LAMA3: variants seen among roughly 807,000 people sequenced by gnomAD.
The protein encoded by LAMA3 is laminin subunit alpha-3.
Under a neutral mutation model 402.0 loss-of-function variants are expected in LAMA3, and 281 were observed. That is an observed-to-expected ratio of 0.70 (90% CI 0.63 to 0.77). The LOEUF is 0.77. LAMA3 is among the 30% of genes least tolerant of loss of function. The probability of loss-of-function intolerance (pLI) is 0.00; values close to 1 mark genes in which losing one functional copy is unlikely to be tolerated. For synonymous variants in LAMA3, 1,431 were observed against 1,558.4 expected, an observed-to-expected ratio of 0.92 and a Z score of 1.93; for missense variants, 3,840 against 4,215.5, an observed-to-expected ratio of 0.91 and a Z score of 2.47.
chr18:23,801,743 G>A (rs754230170), intron 12 of LAMA3, among the ~76,000 whole-genome samples: 5 of 152,076 alleles, frequency 3.3e-5, no homozygotes, highest in East Asian at 1.9e-4. Flanking sequence ...CCATTCTAAC[G>A]GAGATGATAT....
chr18:23,883,024 C>G (rs1018211360), intron 40 of LAMA3, among the ~76,000 whole-genome samples: 2 of 152,094 alleles, frequency 1.3e-5, no homozygotes, highest in African/African-American at 2.4e-5. Flanking sequence ...ATTTTGGCCA[C>G]GAGGCTCCTA....
chr18:23,842,897 C>T (rs1322920278), intron 29 of LAMA3, 147 bp downstream of exon 29: 5 of 986,274 alleles, frequency 5.1e-6, no homozygotes, highest in South Asian at 4.2e-5. Flanking sequence ...CTGTCTTTTA[C>T]CCCCCAATAA....
At position 23,774,806 on chromosome 18, in the gene LAMA3, A is replaced by T. The variant is rs934990136; in HGVS notation, c.1274-986A>T. Among the ~76,000 whole-genome samples the T allele has an allele frequency of 3.9e-5, 6 of 152,162 alleles. No homozygotes were observed. In the South Asian group the frequency reaches 1.2e-3, roughly 32 times the overall value. ...ATTTACTTCTCTCTAGGGCATTCTT[A>T]GTTGTTAAAAAAAATGTGTTTTCAC... is the stretch of plus-strand genomic sequence containing the variant. On this transcript the variant is annotated intron_variant, in intron 9 of 74. Coordinates refer to ENST00000313654, the MANE Select transcript of LAMA3 (RefSeq NM_198129.4).
chr18:23,842,837 C>T (rs1202215988), intron 29 of LAMA3, 87 bp downstream of exon 29: 3 of 1,531,092 alleles, frequency 2.0e-6, no homozygotes. Flanking sequence ...GGAAATAATT[C>T]TTCCAAGGAA....
intron 32 of LAMA3, among the ~76,000 whole-genome samples, chr18:23,854,844 G>A (rs1348190576): frequency 6.6e-6 from 1 of 150,936 alleles, no homozygotes. Flanking sequence ...AATTAGCTGG[G>A]CATGGTGGTA....
chr18:23,690,694 T>C (rs989358536), intron 1 of LAMA3, among the ~76,000 whole-genome samples: 1 of 151,570 alleles, frequency 6.6e-6, no homozygotes, highest in African/African-American at 2.4e-5. Context: ...CACGGCAGCC[T>C]CGAACTCCTG....
chr18:23,839,922 C>T lies in LAMA3; in HGVS notation c.3329C>T (p.Ala1110Val), dbSNP rs758820338. 5 of 1,614,034 alleles carry T rather than the reference C, an allele frequency of 3.1e-6. No individual in the cohort carries two copies. In the African/African-American group the frequency reaches 6.7e-5, roughly 22 times the overall value. Residue 1110 changes from alanine to valine, a missense_variant, in exon 27 of 75, where the codon GCA becomes GTA. Around this residue, in one of 3 missense-constraint regions of LAMA3, gnomAD observed 2,109 missense variants for 2,376.0 expected, o/e 0.89. Coordinates refer to ENST00000313654, the MANE Select transcript of LAMA3 (RefSeq NM_198129.4). The surrounding 1 kb of genome is among the most constrained non-coding windows in gnomAD (Gnocchi z 4.5). ...GTTCTTCCTGGGGTCACCTTGAAGG[C>T]ACCGCAGGTAGTGTGCTGTTTCTAA... ...VDVLPGVTLK[A>V]PQNQVTLRGR... is the part of the protein sequence containing the mutation.
Position 23,792,985 on chromosome 18 carries a change from C to T in LAMA3, c.1603+8828C>T, listed in dbSNP as rs117240234. On this transcript the variant is annotated intron_variant, in intron 12 of 74. Coordinates refer to ENST00000313654, the MANE Select transcript of LAMA3 (RefSeq NM_198129.4). ...CAACTGCTATTGAGAAGATACAGTT[C>T]CCAGAGGAGGGGCAGGTCATGCTGT... 9.0e-3 allele frequency among the ~76,000 whole-genome samples: 1,375 copies of T among 152,188 alleles called. 8 individuals carry two copies. The highest frequency in any genetic ancestry group is 0.013 in the Non-Finnish European group (854 of 68,010).
At chr18:23,828,819 T>C (rs542918474) in intron 23 of LAMA3, among the ~76,000 whole-genome samples, 1 of 152,380 alleles carries the variant, frequency 6.6e-6, no homozygotes, top group Non-Finnish European at 1.5e-5. Flanking sequence ...GTTTAATTTA[T>C]ACTTTTAAAA....
At chr18:23,725,814 C>T (rs778854355) in intron 2 of LAMA3, among the ~76,000 whole-genome samples, 2 of 152,248 alleles carry the variant, frequency 1.3e-5, no homozygotes, top group Non-Finnish European at 2.9e-5. Flanking sequence ...GTGTCTCTCT[C>T]ATTTGAGAGC....
chr18:23,915,220 G>T, intron 58 of LAMA3, 69 bp from the exon 59 acceptor site: 1 of 1,527,842 alleles, frequency 6.5e-7, no homozygotes. Context: ...TGTTAAAAGT[G>T]ATTAATTGAT....
At position 23,781,214 on chromosome 18, in the gene LAMA3, G is replaced by A. The variant is rs186966318; in HGVS notation, c.1469-2809G>A. On this transcript the variant is annotated intron_variant, in intron 11 of 74. Coordinates refer to ENST00000313654, the MANE Select transcript of LAMA3 (RefSeq NM_198129.4). The stretch of plus-strand genomic sequence containing the variant: ...CAAGACTGTAATTCACGGTAAAAAC[G>A]TTCCCTTTCCCTGTGACATTCGTTC... 8.6e-4 allele frequency: 375 copies of A among 436,496 alleles called. 1 individual carries two copies. Among genetic ancestry groups the A allele is most frequent in the African/African-American group, 7.1e-3 (350 of 49,182 alleles). 27.0% of individuals were successfully genotyped at this position (436,496 alleles called of 1,614,324 possible).
At chr18:23,870,886 AGT>A (rs1431645935) in intron 37 of LAMA3, among the ~76,000 whole-genome samples, 2 of 152,232 alleles carry the variant, frequency 1.3e-5, no homozygotes, top group Non-Finnish European at 2.9e-5. Flanking sequence ...CAAGCTGGTA[AGT>A]TCTAGAGATC....
chr18:23,950,962 A>C (rs2082887797), intron 72 of LAMA3, among the ~76,000 whole-genome samples: 1 of 152,230 alleles, frequency 6.6e-6, no homozygotes, highest in Non-Finnish European at 1.5e-5. Flanking sequence ...AAACAAATCA[A>C]GACCCGATGA....
Position 23,802,499 on chromosome 18 carries a change from C to T in LAMA3, c.1604-7867C>T, listed in dbSNP as rs371314418. On this transcript the variant is annotated intron_variant, in intron 12 of 74. Coordinates refer to ENST00000313654, the MANE Select transcript of LAMA3 (RefSeq NM_198129.4). ...TCATCTCCTGTATTCTAGACATATT[C>T]TTCCTTACCTCCATTTTTGAAGAAC... is the stretch of plus-strand genomic sequence containing the variant. Among the ~76,000 whole-genome samples the T allele has an allele frequency of 3.7e-4, 57 of 152,346 alleles. 3 individuals are homozygous for T. The South Asian group carries it at 0.01, about 27-fold the overall frequency.
rs8099348 is a variant in LAMA3 at position 23,953,337 on chromosome 18, T to G, written c.9856+228T>G. Among the ~76,000 whole-genome samples, 610 of 113,848 alleles carry G rather than the reference T, an allele frequency of 5.4e-3. 5 individuals are homozygous for G. Among genetic ancestry groups the G allele is most frequent in the Middle Eastern group, 0.044 (9 of 204 alleles). The allele number at this position is 113,848 out of a possible 152,430, so 74.7% of individuals were successfully genotyped here. A position where few individuals can be genotyped will look rare whatever the true frequency, so the allele number is the denominator to read the frequency against. ...AGCCTGTAATTTTGTTTTTTTTTTTTGTTTTTTTTTTTGTTTTTTTTTGAG... is the reference window on the plus strand; with the variant it reads ...AGCCTGTAATTTTGTTTTTTTTTTTGGTTTTTTTTTTTGTTTTTTTTTGAG... On this transcript the variant is annotated intron_variant, in intron 74 of 74. Transcript: ENST00000313654.
chr18:23,828,425 G>T (rs926504904), intron 23 of LAMA3, among the ~76,000 whole-genome samples: 1 of 152,102 alleles, frequency 6.6e-6, no homozygotes, highest in Non-Finnish European at 1.5e-5. Flanking sequence ...AAACCTAAAT[G>T]ATCTTCCCTC....
Position 23,833,871 on chromosome 18 carries a change from A to G in LAMA3, c.2867A>G (p.Tyr956Cys), listed in dbSNP as rs754064214. 6.2e-7 allele frequency: 1 copy of G among 1,613,938 alleles called. No individual in the cohort carries two copies. The highest frequency in any genetic ancestry group is 1.1e-5 in the South Asian group (1 of 91,070). ...LRLRIPQVGH[Y>C]VVVVEYSTEA... is the part of the protein sequence containing the mutation. ...CTGCGCATCCCACAGGTTGGCCACT[A>G]CGTGGTTGTGGTCGAGTATTCCACG... is the stretch of plus-strand genomic sequence containing the variant. Residue 956 changes from tyrosine (Y) to cysteine (C), a missense_variant, in exon 24 of 75, where the codon TAC (tyrosine) becomes TGC (cysteine). By Grantham distance (194) the Tyr-to-Cys change is radical. This residue lies in a region of LAMA3 where 2,109 missense variants were observed against 2,376.0 expected (regional missense o/e 0.89). Transcript: ENST00000313654.
chr18:23,701,787 GA>G (rs1304976661), intron 1 of LAMA3, among the ~76,000 whole-genome samples: 1 of 152,206 alleles, frequency 6.6e-6, no homozygotes, highest in Non-Finnish European at 1.5e-5. Context: ...AGTTGCTAAG[GA>G]AGACTGCCGA....
Sources: gnomAD v4.1 joint callset for allele counts (sites outside exome capture counted in the v4.1 genomes callset) on GRCh38, gnomAD v4.1.1 for gene constraint, gnomAD v4.1.1 regional missense constraint, Gnocchi (gnomAD v3.1) non-coding constraint, MANE v1.5 for transcripts, NCBI Gene and HGNC (gene_info 2026-07-23, HGNC 2026-07-21) for gene names.